Variants in KANK1 observed in about 807,000 individuals in gnomAD.
KANK1 encodes KN motif and ankyrin repeat domain-containing protein 1.
A neutral mutation model predicts 106.2 loss-of-function variants in KANK1; 109 were observed. The ratio of observed to expected loss-of-function variants is 1.03; its 90% CI spans 0.88 to 1.20. The LOEUF (loss-of-function observed/expected upper bound fraction) is 1.20, where lower values mean the gene tolerates loss of function less well. KANK1 is among the 50% of genes most tolerant of loss of function. KANK1 has a pLI of 0.00. For synonymous variants in KANK1, 873 were observed against 652.2 expected, an observed-to-expected ratio of 1.34 and a Z score of -5.16; for missense variants, 2,399 against 1,710.7, an observed-to-expected ratio of 1.40 and a Z score of -7.10.
Position 712,936 on chromosome 9 carries a change from G to A in KANK1, c.2170G>A (p.Val724Ile), listed in dbSNP as rs1826595272. The change falls in exon 3 of 12, where the codon GTC becomes ATC. Residue 724 changes from valine to isoleucine, a missense_variant. By Grantham distance (29) the Val-to-Ile change is conservative. Coordinates refer to ENST00000382297, the MANE Select transcript of KANK1 (RefSeq NM_015158.5). ...TRTVAVGEGR[V>I]KDINSSTKTR... The stretch of plus-strand genomic sequence containing the variant: ...GACAGTAGCTGTAGGAGAAGGCCGT[G>A]TCAAGGACATCAACTCCTCCACCAA... 1 of 1,614,062 alleles carries A rather than the reference G, an allele frequency of 6.2e-7. No individual in the cohort carries two copies. Among genetic ancestry groups the A allele is most frequent in the Non-Finnish European group, 8.5e-7 (1 of 1,180,058 alleles).
chr9:601,331 C>CT (rs1270176105), intron 1 of KANK1, among the ~76,000 whole-genome samples: 1 of 151,840 alleles, frequency 6.6e-6, no homozygotes, highest in Admixed American at 6.6e-5. Context: ...GCTATCCTTT[C>CT]TTTATGTTCC....
chr9:720,833 C>A (rs117776750), intron 3 of KANK1, among the ~76,000 whole-genome samples: 1 of 152,160 alleles, frequency 6.6e-6, no homozygotes, highest in African/African-American at 2.4e-5. Flanking sequence ...GTTCAGGGAG[C>A]ATTTACTTTC....
chr9:545,541 T>C (rs2060875072), intron 1 of KANK1, among the ~76,000 whole-genome samples: 1 of 151,840 alleles, frequency 6.6e-6, no homozygotes, highest in African/African-American at 2.4e-5. Flanking sequence ...TGAGGAGGAA[T>C]GGACAGAAAG....
chr9:540,989 C>A (rs10975049), intron 1 of KANK1, among the ~76,000 whole-genome samples: 1,598 of 152,092 alleles, frequency 0.011, 24 homozygotes, highest in African/African-American at 0.035. Context: ...TTGGGCTGTT[C>A]CTTTTCTAAT....
At chr9:511,512 C>A (rs941821387) in intron 1 of KANK1, among the ~76,000 whole-genome samples, 3 of 152,130 alleles carry the variant, frequency 2.0e-5, no homozygotes, top group African/African-American at 7.2e-5. Flanking sequence ...ATAAAAGCAT[C>A]TCCTTTATTG....
chr9:518,413 T>TTTAC (rs1209290317), intron 1 of KANK1, among the ~76,000 whole-genome samples: 1 of 151,558 alleles, frequency 6.6e-6, no homozygotes, highest in Non-Finnish European at 1.5e-5. Flanking sequence ...CAGGGCAGTT[T>TTTAC]TTACTTTACC....
At chr9:513,108 C>G (rs1408243594) in intron 1 of KANK1, among the ~76,000 whole-genome samples, 1 of 152,290 alleles carries the variant, frequency 6.6e-6, no homozygotes, top group South Asian at 2.1e-4. Context: ...ATGGGAATTG[C>G]CTATGAGTGT....
chr9:550,214 C>T (rs373468196), intron 1 of KANK1, among the ~76,000 whole-genome samples: 2 of 152,018 alleles, frequency 1.3e-5, no homozygotes, highest in African/African-American at 4.8e-5. Context: ...CTCCCCTCCC[C>T]CCAGGGATAC....
intron 1 of KANK1, among the ~76,000 whole-genome samples, chr9:623,291 G>C (rs536478792): frequency 6.6e-6 from 1 of 151,970 alleles, no homozygotes; most frequent in Admixed American, 6.6e-5. Context: ...TAGCCAACAG[G>C]TAAATGAAAA....
At chr9:533,222 G>T (rs951211395) in intron 1 of KANK1, among the ~76,000 whole-genome samples, 3 of 152,142 alleles carry the variant, frequency 2.0e-5, no homozygotes, top group Non-Finnish European at 2.9e-5. Context: ...GGGCAATTTG[G>T]AGGGGTCATA....
intron 2 of KANK1, among the ~76,000 whole-genome samples, chr9:707,424 C>T (rs1824667356): frequency 6.6e-6 from 1 of 152,402 alleles, no homozygotes; most frequent in African/African-American, 2.4e-5. Flanking sequence ...AGGCCCGGAT[C>T]AGCCTGCCTG....
chr9:598,677 C>A (rs1826911069), intron 1 of KANK1, among the ~76,000 whole-genome samples: 1 of 105,404 alleles, frequency 9.5e-6, no homozygotes, highest in African/African-American at 3.5e-5. Flanking sequence ...GTTGCCCAGG[C>A]TGGAGTGCGG....
Position 745,439 on chromosome 9 carries a change from G to A in KANK1, c.*204G>A. 1 of 553,064 alleles carries A rather than the reference G, an allele frequency of 1.8e-6. No individual in the cohort carries two copies. Among genetic ancestry groups the A allele is most frequent in the Non-Finnish European group, 3.2e-6 (1 of 310,622 alleles). 34.3% of individuals were successfully genotyped at this position (553,064 alleles called of 1,614,324 possible). ...CACCTCCTTTCTGGCCGTCTTCTGT[G>A]TAGGGCACACTTTAACCCAGTCTCT... is the stretch of plus-strand genomic sequence containing the variant. On this transcript the variant is annotated 3_prime_UTR_variant, in exon 12 of 12. Transcript: ENST00000382297.
chr9:486,647 TTAATC>T (rs1171660224), intron 3 of KANK1, among the ~76,000 whole-genome samples: 5 of 152,196 alleles, frequency 3.3e-5, no homozygotes, highest in African/African-American at 1.2e-4. Context: ...TAAATAAAAA[TTAATC>T]TAACATAAGC....
intron 1 of KANK1, among the ~76,000 whole-genome samples, chr9:543,779 G>A (rs1563743693): frequency 6.6e-6 from 1 of 152,080 alleles, no homozygotes; most frequent in Non-Finnish European, 1.5e-5. Flanking sequence ...TAAAAAAGTA[G>A]TTGATTGTTG....
intron 3 of KANK1, among the ~76,000 whole-genome samples, chr9:488,412 T>C (rs1006021622): frequency 4.6e-5 from 7 of 152,216 alleles, no homozygotes; most frequent in Middle Eastern, 3.2e-3. Context: ...TGCTCATTCA[T>C]GCTGGAAAAG....
At chr9:535,584 T>C (rs769658149) in intron 1 of KANK1, among the ~76,000 whole-genome samples, 1 of 152,208 alleles carries the variant, frequency 6.6e-6, no homozygotes, top group East Asian at 1.9e-4. Flanking sequence ...AAAATGGCTT[T>C]ACTCTCAGCG....
intron 1 of KANK1, among the ~76,000 whole-genome samples, chr9:617,681 G>A (rs940884873): frequency 2.6e-5 from 4 of 152,142 alleles, no homozygotes; most frequent in South Asian, 2.1e-4. Context: ...TTTTCCCACC[G>A]TAAACTTAGG....
intron 1 of KANK1, among the ~76,000 whole-genome samples, chr9:646,587 T>C (rs1323633698): frequency 6.6e-6 from 1 of 150,940 alleles, no homozygotes. Flanking sequence ...CTCAGTTAGG[T>C]TCATTATTTT....
Sources: gnomAD v4.1 joint callset for allele counts (sites outside exome capture counted in the v4.1 genomes callset) on GRCh38, gnomAD v4.1.1 for gene constraint, MANE v1.5 for transcripts, NCBI Gene and HGNC (gene_info 2026-07-23, HGNC 2026-07-21) for gene names.